CLINT1: variants seen among roughly 807,000 people sequenced by gnomAD.
CLINT1 encodes the protein clathrin interactor 1, also known as clathrin interacting protein localized in the trans-Golgi region.
Under a neutral mutation model 70.4 loss-of-function variants are expected in CLINT1, and 15 were observed. The ratio of observed to expected loss-of-function variants is 0.21; its 90% CI spans 0.14 to 0.33. The LOEUF (loss-of-function observed/expected upper bound fraction) is 0.33. Among genes scored for constraint, CLINT1 ranks in the 10% least tolerant of loss-of-function variants. The probability of loss-of-function intolerance (pLI) is 1.00; values close to 1 mark genes in which losing one functional copy is unlikely to be tolerated. For missense variants in CLINT1, 615 were observed against 778.1 expected, an observed-to-expected ratio of 0.79 and a Z score of 2.49; for synonymous variants, 227 against 254.7, an observed-to-expected ratio of 0.89 and a Z score of 1.04.
chr5:157,804,742 T>C, intron 7 of CLINT1, among the ~76,000 whole-genome samples: 1 of 151,856 alleles, frequency 6.6e-6, no homozygotes, highest in East Asian at 1.9e-4. Context: ...CTGACCAACA[T>C]GGAGAAAGCC....
At chr5:157,813,438 T>C (rs1324312707) in intron 4 of CLINT1, among the ~76,000 whole-genome samples, 1 of 152,152 alleles carries the variant, frequency 6.6e-6, no homozygotes, top group Non-Finnish European at 1.5e-5. Context: ...TATAAGAGCA[T>C]GTAAAGATGA....
chr5:157,829,113 A>G (rs561007461), intron 1 of CLINT1, among the ~76,000 whole-genome samples: 72 of 151,552 alleles, frequency 4.8e-4, no homozygotes, highest in South Asian at 2.1e-4. Context: ...AACAACAACA[A>G]CAGCAACAAC....
rs1259116449 is a variant in CLINT1, at chr5:157,786,935, C to T, written c.*711G>A. The stretch of plus-strand genomic sequence containing the variant: ...TTTTAAAGGAAACCATAGAGCAGTC[C>T]TGAAAAAAATTTCTTCCTAGTTCTG... On this transcript the variant is annotated 3_prime_UTR_variant, in exon 12 of 12. Transcript: ENST00000411809. 4 of 152,418 alleles carry T rather than the reference C, an allele frequency of 2.6e-5. No individual in the cohort carries two copies. Among genetic ancestry groups the T allele is most frequent in the Admixed American group, 6.5e-5 (1 of 15,286 alleles). 9.4% of individuals were successfully genotyped at this position (152,418 alleles called of 1,614,324 possible). A position where few individuals can be genotyped will look rare whatever the true frequency, so the allele number is the denominator to read the frequency against.
At chr5:157,846,889 T>C (rs1753401215) in intron 1 of CLINT1, among the ~76,000 whole-genome samples, 1 of 152,242 alleles carries the variant, frequency 6.6e-6, no homozygotes, top group Non-Finnish European at 1.5e-5. Flanking sequence ...GTTTACAGCA[T>C]AGTTTACTGA....
chr5:157,791,879 C>G lies in CLINT1; in HGVS notation c.1204G>C (p.Glu402Gln). The change falls in exon 10 of 12, where the codon GAA (glutamate) becomes CAA (glutamine). Residue 402 changes from glutamate to glutamine, a missense_variant. This residue lies in a region of CLINT1 where 374 missense variants were observed against 409.6 expected (regional missense o/e 0.91). Coordinates refer to ENST00000411809, the MANE Select transcript of CLINT1 (RefSeq NM_014666.4). ...FFGSASQPAVELVSGSQSALG... is the reference protein window; with the variant it reads ...FFGSASQPAVQLVSGSQSALG... ...GCTGATTGTGAGCCACTAACAAGTTCTACCGCTGGCTGTGAGGCACTGCCA... is the reference window on the plus strand; with the variant it reads ...GCTGATTGTGAGCCACTAACAAGTTGTACCGCTGGCTGTGAGGCACTGCCA... The G allele has an allele frequency of 6.2e-7, 1 of 1,613,978 alleles. No homozygotes were observed. The highest frequency in any genetic ancestry group is 8.5e-7 in the Non-Finnish European group (1 of 1,179,876).
rs1761756266 is a variant in CLINT1 at position 157,787,372 on chromosome 5, T to G, written c.*274A>C. On this transcript the variant is annotated 3_prime_UTR_variant, in exon 12 of 12. Coordinates refer to ENST00000411809, the MANE Select transcript of CLINT1 (RefSeq NM_014666.4). ...CAAATTATGCTGTTAAATGGACTCT[T>G]CAGTTGATAAAGGCTTTCAATGGTC... 2.2e-6 allele frequency: 1 copy of G among 447,896 alleles called. No homozygotes were observed. 27.7% of individuals were successfully genotyped at this position (447,896 alleles called of 1,614,324 possible). A position where few individuals can be genotyped will look rare whatever the true frequency, so the allele number is the denominator to read the frequency against.
chr5:157,788,646 ATCCCAAGTATTAAAAATATGCT>A (rs1190094372), intron 11 of CLINT1, among the ~76,000 whole-genome samples: 1 of 152,184 alleles, frequency 6.6e-6, no homozygotes, highest in Admixed American at 6.5e-5. Context: ...AGAGAGAATG[ATCCCAAGTATTAAAAATATGCT>A]TAGAAAAGAT....
intron 1 of CLINT1, among the ~76,000 whole-genome samples, chr5:157,848,699 T>C (rs762282106): frequency 7.9e-5 from 12 of 152,140 alleles, no homozygotes; most frequent in Non-Finnish European, 1.3e-4. Context: ...TCTCGTTCTG[T>C]TGTCCAGGCT....
At chr5:157,843,584 A>G (rs1355216641) in intron 1 of CLINT1, among the ~76,000 whole-genome samples, 1 of 152,166 alleles carries the variant, frequency 6.6e-6, no homozygotes, top group Non-Finnish European at 1.5e-5. Context: ...CGTCCCTCCT[A>G]TACTTACCCT....
chr5:157,835,304 A>T (rs1389154816), intron 1 of CLINT1, among the ~76,000 whole-genome samples: 2 of 152,222 alleles, frequency 1.3e-5, no homozygotes, highest in Non-Finnish European at 2.9e-5. Context: ...GTTGGCAGTG[A>T]GTTCAATGTT....
chr5:157,839,726 T>C (rs6873125), intron 1 of CLINT1, among the ~76,000 whole-genome samples: 2,024 of 71,536 alleles, frequency 0.028, 20 homozygotes, highest in Middle Eastern at 0.062. Context: ...CAAAAATCTA[T>C]CTATCTATCT....
intron 1 of CLINT1, among the ~76,000 whole-genome samples, chr5:157,845,286 T>A (rs1489366293): frequency 6.6e-6 from 1 of 151,704 alleles, no homozygotes; most frequent in African/African-American, 2.4e-5. Flanking sequence ...GAGGTGGAGG[T>A]TGCAGTGAGC....
rs1420628481 is a variant in CLINT1 at position 157,787,933 on chromosome 5, G to C, written c.1591C>G (p.Pro531Ala). 2.5e-6 allele frequency: 4 copies of C among 1,612,812 alleles called. No homozygotes were observed. Among genetic ancestry groups the C allele is most frequent in the Non-Finnish European group, 3.4e-6 (4 of 1,179,416 alleles). Residue 531 changes from proline (P) to alanine (A), a missense_variant, in exon 12 of 12, where the codon CCA (proline) becomes GCA (alanine). Around this residue, in one of 2 missense-constraint regions of CLINT1, gnomAD observed 374 missense variants for 409.6 expected, o/e 0.91. Transcript: ENST00000411809. The stretch of plus-strand genomic sequence containing the variant: ...GGCCGGACAGGAAGCATGTTCGATG[G>C]AGAACTGAGGTTCACAGCTCCAAAA... ...QSFGAVNLSS[P>A]SNMLPVRPQT...
intron 10 of CLINT1, 124 bp from the exon 11 acceptor site, chr5:157,789,637 C>T: frequency 7.9e-7 from 1 of 1,265,044 alleles, no homozygotes; most frequent in Non-Finnish European, 1.1e-6. Context: ...GCAATTTAAT[C>T]ACAACAATGA....
At chr5:157,795,904 A>G (rs9942307) in intron 8 of CLINT1, 20,372 of 152,162 alleles carry the variant, frequency 0.13, 1,796 homozygotes, top group African/African-American at 0.25. Flanking sequence ...GGTGGCGAGC[A>G]GCTGTAGCCC....
chr5:157,824,729 A>G (rs1762982021), intron 1 of CLINT1, among the ~76,000 whole-genome samples: 1 of 152,190 alleles, frequency 6.6e-6, no homozygotes, highest in African/African-American at 2.4e-5. Context: ...ACAATCCTGG[A>G]CACTTCCTCT....
rs753001265 is a variant in CLINT1 at position 157,787,996 on chromosome 5, C to T, written c.1532-4G>A. 8 of 1,596,996 alleles carry T rather than the reference C, an allele frequency of 5.0e-6. No individual in the cohort carries two copies. The South Asian group carries it at 5.6e-5, about 11-fold the overall frequency. ...ACATTCATAGGCTGCTGCATATCTA[C>T]CAGACGAAAACAGACAGAAGAACTT... On this transcript the variant is annotated splice_polypyrimidine_tract_variant and splice_region_variant and intron_variant, in intron 11 of 11. Transcript: ENST00000411809.
intron 1 of CLINT1, among the ~76,000 whole-genome samples, chr5:157,838,738 T>C (rs1763517993): frequency 6.6e-6 from 1 of 152,130 alleles, no homozygotes; most frequent in Non-Finnish European, 1.5e-5. Context: ...TAACAAGAAA[T>C]ATTGTTAGGA....
At chr5:157,848,727 T>C (rs1753467691) in intron 1 of CLINT1, among the ~76,000 whole-genome samples, 1 of 152,170 alleles carries the variant, frequency 6.6e-6, no homozygotes, top group African/African-American at 2.4e-5. Flanking sequence ...AGTGATGCAA[T>C]CTTGGCTCAC....
Sources: allele counts gnomAD v4.1 joint callset (sites outside exome capture counted in the v4.1 genomes callset), GRCh38; gene constraint gnomAD v4.1.1; regional missense constraint gnomAD v4.1.1; transcripts MANE v1.5; gene names NCBI Gene and HGNC (gene_info 2026-07-23, HGNC 2026-07-21).